FGFR2: variants seen among roughly 807,000 people sequenced by gnomAD.
FGFR2 encodes the protein BEK fibroblast growth factor receptor.
Under a neutral mutation model 95.9 loss-of-function variants are expected in FGFR2, and 19 were observed. That is an observed-to-expected ratio of 0.20 (90% CI 0.14 to 0.29). The LOEUF is 0.29. Ranked by LOEUF, FGFR2 falls within the 10% of genes least tolerant of loss-of-function variation. The pLI is 1.00. For synonymous variants in FGFR2, 392 were observed against 393.3 expected (o/e 1.00, Z 0.04); for missense variants, 707 against 1,056.9 (o/e 0.67, Z 4.59).
At chr10:121,481,962 G>A (rs1176361416) in intron 17 of FGFR2, 5 of 382,916 alleles carry the variant, frequency 1.3e-5, no homozygotes, top group African/African-American at 2.1e-5. Flanking sequence ...TCAGCCTCCC[G>A]GAGTAGCTGG....
chr10:121,547,466 C>T (rs1854694893), intron 5 of FGFR2, among the ~76,000 whole-genome samples: 1 of 151,158 alleles, frequency 6.6e-6, no homozygotes. Flanking sequence ...ATAATCACAG[C>T]TCCCTGCAGC....
intron 2 of FGFR2, among the ~76,000 whole-genome samples, chr10:121,573,643 GAAGA>G (rs1333171681): frequency 1.0e-4 from 15 of 149,090 alleles, no homozygotes; most frequent in Admixed American, 6.7e-4. Context: ...AAGGCAAGAG[GAAGA>G]AAGAGAGGGG....
intron 9 of FGFR2, 108 bp downstream of exon 9, chr10:121,515,009 C>T: frequency 6.7e-6 from 7 of 1,049,272 alleles, no homozygotes; most frequent in Non-Finnish European, 8.7e-6. Context: ...GAATCACTCG[C>T]ACATGGAAGC....
intron 11 of FGFR2, among the ~76,000 whole-genome samples, chr10:121,499,133 G>T (rs889408464): frequency 6.6e-6 from 1 of 152,158 alleles, no homozygotes; most frequent in Admixed American, 6.5e-5. Flanking sequence ...AAAGGGCTGC[G>T]ACTTCTAGTG....
At chr10:121,586,245 G>C (rs1310288547) in intron 2 of FGFR2, among the ~76,000 whole-genome samples, 1 of 152,180 alleles carries the variant, frequency 6.6e-6, no homozygotes, top group Non-Finnish European at 1.5e-5. Context: ...TCAGAATTGA[G>C]TCCTCTCCAA....
intron 5 of FGFR2, among the ~76,000 whole-genome samples, chr10:121,541,905 T>C (rs1853814421): frequency 6.6e-6 from 1 of 152,196 alleles, no homozygotes; most frequent in Non-Finnish European, 1.5e-5. Flanking sequence ...TTAATTCTAC[T>C]TCTAGAAAGC....
chr10:121,515,562 C>T (rs1849607863), intron 8 of FGFR2, among the ~76,000 whole-genome samples: 1 of 152,102 alleles, frequency 6.6e-6, no homozygotes, highest in South Asian at 2.1e-4. Context: ...GTGGTTGACA[C>T]CCAGTTGCAC....
chr10:121,593,619 G>T, intron 2 of FGFR2, 90 bp downstream of exon 2: 1 of 1,134,814 alleles, frequency 8.8e-7, no homozygotes, highest in Non-Finnish European at 1.3e-6. Context: ...CATTTACAAT[G>T]CAAGGGTAGC....
chr10:121,596,869 AAG>A (rs1863498120), intron 1 of FGFR2, among the ~76,000 whole-genome samples: 1 of 152,096 alleles, frequency 6.6e-6, no homozygotes, highest in Non-Finnish European at 1.5e-5. Context: ...ATTCCAGGGA[AAG>A]AGAGAGGGGC....
chr10:121,484,530 C>T (rs2133781114), intron 16 of FGFR2, among the ~76,000 whole-genome samples: 1 of 152,372 alleles, frequency 6.6e-6, no homozygotes, highest in East Asian at 1.9e-4. Context: ...GAAAAGCACT[C>T]ACGGGATTAC....
rs770391340 is a variant in FGFR2 at position 121,500,861 on chromosome 10, T to C, written c.1526A>G (p.Lys509Arg). ...EAVGIDKDKPKEAVTVAVKML... is the reference protein window; with the variant it reads ...EAVGIDKDKPREAVTVAVKML... ...CTTCACGGCCACGGTGACCGCCTCCTTGGGCTTGTCTTTGTCAATTCCCAC... is the reference window on the plus strand; with the variant it reads ...CTTCACGGCCACGGTGACCGCCTCCCTGGGCTTGTCTTTGTCAATTCCCAC... Residue 509 changes from lysine (K) to arginine (R), a missense_variant, in exon 11 of 18, where the codon AAG becomes AGG. By Grantham distance (26) the Lys-to-Arg change is conservative. Coordinates refer to ENST00000358487, the MANE Select transcript of FGFR2 (RefSeq NM_000141.5). 7 of 1,614,172 alleles carry C rather than the reference T, an allele frequency of 4.3e-6. No homozygotes were observed. In the South Asian group the frequency reaches 5.5e-5, roughly 13 times the overall value.
At chr10:121,480,267 C>T (rs1180142969) in intron 17 of FGFR2, 1 of 572,284 alleles carries the variant, frequency 1.7e-6, no homozygotes, top group Non-Finnish European at 3.2e-6. Context: ...GTCTGATGTA[C>T]CCCAGGCTGT....
intron 2 of FGFR2, among the ~76,000 whole-genome samples, chr10:121,582,680 C>T (rs1270845976): frequency 6.6e-6 from 1 of 151,964 alleles, no homozygotes; most frequent in Non-Finnish European, 1.5e-5. Flanking sequence ...CTACTCTAGA[C>T]GCTGAGGCAG....
At chr10:121,574,799 C>T (rs143955990) in intron 2 of FGFR2, among the ~76,000 whole-genome samples, 1 of 152,280 alleles carries the variant, frequency 6.6e-6, no homozygotes, top group East Asian at 1.9e-4. Context: ...AAATACTCCG[C>T]ACAATATAAA....
At chr10:121,567,119 C>T (rs1172831587) in intron 2 of FGFR2, among the ~76,000 whole-genome samples, 4 of 152,148 alleles carry the variant, frequency 2.6e-5, no homozygotes, top group African/African-American at 9.7e-5. Context: ...TTTGCCTAGA[C>T]ACCCCTCAGA....
chr10:121,486,085 A>G (rs1328736148), intron 15 of FGFR2, among the ~76,000 whole-genome samples: 1 of 152,198 alleles, frequency 6.6e-6, no homozygotes, highest in Non-Finnish European at 1.5e-5. Context: ...AAAACTGAAC[A>G]CATCTCACAG....
chr10:121,489,530 A>G (rs1845861567), intron 13 of FGFR2, among the ~76,000 whole-genome samples: 1 of 152,172 alleles, frequency 6.6e-6, no homozygotes. Flanking sequence ...TCAAGGCATT[A>G]ATTCTAAACA....
intron 2 of FGFR2, among the ~76,000 whole-genome samples, chr10:121,567,966 C>G (rs567660373): frequency 6.6e-6 from 1 of 152,310 alleles, no homozygotes; most frequent in African/African-American, 2.4e-5. Context: ...AAGTGAAGGA[C>G]AAAGCGAAGT....
At chr10:121,588,975 A>T (rs1386339840) in intron 2 of FGFR2, among the ~76,000 whole-genome samples, 1 of 152,164 alleles carries the variant, frequency 6.6e-6, no homozygotes, top group Non-Finnish European at 1.5e-5. Flanking sequence ...AAAAAAATAG[A>T]GACCATAAGC....
Sources: gnomAD v4.1 joint callset for allele counts (sites outside exome capture counted in the v4.1 genomes callset) on GRCh38, gnomAD v4.1.1 for gene constraint, MANE v1.5 for transcripts, NCBI Gene and HGNC (gene_info 2026-07-23, HGNC 2026-07-21) for gene names.